Variants in DLEU7 observed in about 807,000 individuals in gnomAD.
DLEU7 encodes leukemia-associated protein 7.
A neutral mutation model predicts 16.0 loss-of-function variants in DLEU7; 17 were observed. The ratio of observed to expected loss-of-function variants is 1.06; its 90% confidence interval spans 0.73 to 1.59. The LOEUF is 1.59. DLEU7 is among the 40% of genes most tolerant of loss of function. The pLI, the probability that DLEU7 is intolerant of heterozygous loss-of-function variation, is 0.00. For missense variants in DLEU7, 308 were observed against 314.9 expected (o/e 0.98, Z 0.17); for synonymous variants, 113 against 139.8 (o/e 0.81, Z 1.35).
At chr13:50,801,859 T>C (rs765439793) in intron 1 of DLEU7, among the ~76,000 whole-genome samples, 1 of 152,152 alleles carries the variant, frequency 6.6e-6, no homozygotes, top group Non-Finnish European at 1.5e-5. Flanking sequence ...AGATTTATTA[T>C]TACCTTTTAA....
intron 1 of DLEU7, among the ~76,000 whole-genome samples, chr13:50,776,767 T>C (rs897393829): frequency 6.6e-6 from 1 of 152,190 alleles, no homozygotes; most frequent in Non-Finnish European, 1.5e-5. Flanking sequence ...CTATAGTTAC[T>C]AGATCTGTTA....
chr13:50,829,090 T>A (rs1467574200), intron 1 of DLEU7, among the ~76,000 whole-genome samples: 27 of 152,166 alleles, frequency 1.8e-4, no homozygotes, highest in Admixed American at 1.8e-3. Context: ...TTAAAAAAAA[T>A]TTAGCTCATC....
chr13:50,786,270 T>C lies in DLEU7; in HGVS notation c.459+56918A>G, dbSNP rs1278457047. ...AATACACTTGGTTCACCATATGCCA[T>C]ATTCATAGATAATCACAAGACTCTA... On this transcript the variant is annotated intron_variant, in intron 1 of 1. Transcript: ENST00000400393. 2.0e-5 allele frequency among the ~76,000 whole-genome samples: 3 copies of C among 152,316 alleles called. No homozygotes were observed. The East Asian group carries it at 5.8e-4, about 29-fold the overall frequency.
chr13:50,737,647 G>A (rs905548986), intron 1 of DLEU7, among the ~76,000 whole-genome samples: 3 of 152,094 alleles, frequency 2.0e-5, no homozygotes, highest in African/African-American at 7.2e-5. Flanking sequence ...AGACTTGATG[G>A]ATCAATGTTG....
At chr13:50,756,081 C>T (rs1874749580) in intron 1 of DLEU7, among the ~76,000 whole-genome samples, 1 of 152,218 alleles carries the variant, frequency 6.6e-6, no homozygotes, top group African/African-American at 2.4e-5. Flanking sequence ...ATGGGTCTCT[C>T]AGCCACGGAT....
At chr13:50,826,670 C>A (rs1281653531) in intron 1 of DLEU7, among the ~76,000 whole-genome samples, 1 of 152,006 alleles carries the variant, frequency 6.6e-6, no homozygotes, top group African/African-American at 2.4e-5. Context: ...CAGAGTAGAT[C>A]CAAAACAGAA....
downstream of DLEU7, among the ~76,000 whole-genome samples, chr13:50,820,648 A>G (rs1876875167): frequency 6.6e-6 from 1 of 152,138 alleles, no homozygotes; most frequent in East Asian, 1.9e-4. Context: ...AAACAAGGGT[A>G]AAGTTTGAAA....
At chr13:50,764,248 C>T (rs1021569817) in intron 1 of DLEU7, among the ~76,000 whole-genome samples, 2 of 152,240 alleles carry the variant, frequency 1.3e-5, no homozygotes, top group Non-Finnish European at 2.9e-5. Flanking sequence ...CAAGTTGCAT[C>T]ATAACATATA....
At chr13:50,769,294 A>G (rs947770034) in intron 1 of DLEU7, among the ~76,000 whole-genome samples, 2 of 152,198 alleles carry the variant, frequency 1.3e-5, no homozygotes, top group Admixed American at 6.5e-5. Flanking sequence ...TAGTTTCATT[A>G]GATCCTATTT....
At chr13:50,788,330 T>C (rs1875852643) in intron 1 of DLEU7, among the ~76,000 whole-genome samples, 2 of 152,066 alleles carry the variant, frequency 1.3e-5, no homozygotes, top group African/African-American at 4.8e-5. Context: ...GGGGTGGAAA[T>C]GTGGGCACCA....
chr13:50,732,970 G>A (rs543875155), intron 1 of DLEU7, among the ~76,000 whole-genome samples: 5 of 152,152 alleles, frequency 3.3e-5, no homozygotes, highest in Non-Finnish European at 5.9e-5. Context: ...GCATCAGATG[G>A]TTTCTACTTG....
chr13:50,736,005 A>G (rs1874060145), intron 1 of DLEU7, among the ~76,000 whole-genome samples: 1 of 152,118 alleles, frequency 6.6e-6, no homozygotes, highest in African/African-American at 2.4e-5. Flanking sequence ...TCATCACTGT[A>G]TGTATACCCA....
Position 50,782,461 on chromosome 13 carries a change from T to C in DLEU7, c.459+60727A>G, listed in dbSNP as rs112233854. Among the ~76,000 whole-genome samples the C allele has an allele frequency of 3.8e-3, 576 of 152,274 alleles. 3 individuals carry two copies. The highest frequency in any genetic ancestry group is 0.024 in the Middle Eastern group (7 of 294). ...AACCAAAACTTTAGTCATCTATGAA[T>C]TCTCCCTCACTCTCAACCTCCTTGT... is the stretch of plus-strand genomic sequence containing the variant. On this transcript the variant is annotated intron_variant, in intron 1 of 1. Coordinates refer to the DLEU7 transcript ENST00000400393.
chr13:50,765,895 A>C (rs759064296), intron 1 of DLEU7, among the ~76,000 whole-genome samples: 2 of 152,202 alleles, frequency 1.3e-5, no homozygotes, highest in Non-Finnish European at 2.9e-5. Context: ...TTGGAGGCTC[A>C]AAAGGGGTCA....
At chr13:50,821,178 T>C (rs1427735222), downstream of DLEU7, among the ~76,000 whole-genome samples, 1 of 151,938 alleles carries the variant, frequency 6.6e-6, no homozygotes, top group Non-Finnish European at 1.5e-5. Flanking sequence ...TCTACAGACG[T>C]TGAGTAGGCA....
chr13:50,752,828 C>T (rs1481241406), intron 1 of DLEU7, among the ~76,000 whole-genome samples: 2 of 151,998 alleles, frequency 1.3e-5, no homozygotes, highest in South Asian at 4.2e-4. Flanking sequence ...AACAAAGCTT[C>T]CACAGTGTGG....
intron 1 of DLEU7, among the ~76,000 whole-genome samples, chr13:50,772,518 C>G (rs1254141583): frequency 1.3e-5 from 2 of 152,178 alleles, no homozygotes; most frequent in Non-Finnish European, 2.9e-5. Flanking sequence ...TTCTCCTTCA[C>G]TTATGAAGCT....
chr13:50,765,427 G>A (rs527648129), intron 1 of DLEU7, among the ~76,000 whole-genome samples: 304 of 151,996 alleles, frequency 2.0e-3, no homozygotes, highest in African/African-American at 5.7e-3. Context: ...AGAAAATGAG[G>A]AGGAAGGAGA....
At chr13:50,775,521 T>G (rs1203873323) in intron 1 of DLEU7, among the ~76,000 whole-genome samples, 1 of 152,232 alleles carries the variant, frequency 6.6e-6, no homozygotes, top group South Asian at 2.1e-4. Flanking sequence ...TCTCTTGAGT[T>G]TCTTGGAGTC....
Sources: gnomAD v4.1 joint callset for allele counts (sites outside exome capture counted in the v4.1 genomes callset) on GRCh38, gnomAD v4.1.1 for gene constraint, MANE v1.5 for transcripts, NCBI Gene and HGNC (gene_info 2026-07-23, HGNC 2026-07-21) for gene names.